Variants in ASPSCR1 observed in about 807,000 individuals in gnomAD.
ASPSCR1 encodes the protein tether containing UBX domain for GLUT4.
A neutral mutation model predicts 68.9 loss-of-function variants in ASPSCR1; 55 were observed. The ratio of observed to expected loss-of-function variants is 0.80; its 90% CI spans 0.64 to 1.00. The LOEUF is 1.00. ASPSCR1 is among the 50% of genes least tolerant of loss of function. ASPSCR1 has a pLI of 0.00. For synonymous variants in ASPSCR1, 352 were observed against 332.6 expected (o/e 1.06, Z -0.63); for missense variants, 765 against 762.2 (o/e 1.00, Z -0.04).
chr17:81,981,078 T>C (rs898302268), intron 2 of ASPSCR1, among the ~76,000 whole-genome samples: 1 of 152,234 alleles, frequency 6.6e-6, no homozygotes, highest in Admixed American at 6.5e-5. Flanking sequence ...AAACCCTGAC[T>C]GTGCCAGAAC....
intron 4 of ASPSCR1, among the ~76,000 whole-genome samples, chr17:81,988,639 C>T (rs2042071487): frequency 6.6e-6 from 1 of 152,132 alleles, no homozygotes; most frequent in Admixed American, 6.6e-5. Flanking sequence ...ACACTCACAC[C>T]TGTGGTGGAG....
chr17:82,014,905 G>T (rs889645293), intron 12 of ASPSCR1: 6 of 813,354 alleles, frequency 7.4e-6, no homozygotes, highest in Non-Finnish European at 7.5e-6. Flanking sequence ...TCAGGGCAGG[G>T]CGGGCACCCC....
chr17:81,985,238 CCACA>C (rs976054746), intron 3 of ASPSCR1, among the ~76,000 whole-genome samples: 1 of 151,724 alleles, frequency 6.6e-6, no homozygotes, highest in Non-Finnish European at 1.5e-5. Flanking sequence ...CCGCACACAC[CCACA>C]CACACATATG....
At position 81,997,522 on chromosome 17, in the gene ASPSCR1, T is replaced by C. The variant is rs1337623070; in HGVS notation, c.933+676T>C. Among the ~76,000 whole-genome samples the C allele has an allele frequency of 3.4e-5, 5 of 147,246 alleles. No individual in the cohort carries two copies. In the Admixed American group the frequency reaches 3.4e-4, roughly 10 times the overall value. ...TTTTTTTTTTGAGACAGAGTCTCAC[T>C]GTGTCCCTAGGTGGGCGTACAGTGG... On this transcript the variant is annotated intron_variant, in intron 7 of 15. Coordinates refer to ENST00000306739, the MANE Select transcript of ASPSCR1 (RefSeq NM_024083.4).
At chr17:82,010,262 G>T (rs1379297177) in intron 9 of ASPSCR1, among the ~76,000 whole-genome samples, 1 of 150,250 alleles carries the variant, frequency 6.7e-6, no homozygotes, top group Non-Finnish European at 1.5e-5. Flanking sequence ...GGGCGTGGTG[G>T]CTCACGCCTG....
At position 81,990,254 on chromosome 17, in the gene ASPSCR1, G is replaced by T. The variant is rs1351187307; in HGVS notation, c.375-4567G>T. On this transcript the variant is annotated intron_variant, in intron 4 of 15. Transcript: ENST00000306739. The surrounding 1 kb of genome is among the most constrained non-coding windows in gnomAD (Gnocchi z 4.1). ...CAGAGTCCTTGAGACCTGCATGTAT[G>T]GTGCACTTGGAGCATCTCGGTCTGG... Among the ~76,000 whole-genome samples, 2 of 152,202 alleles carry T rather than the reference G, an allele frequency of 1.3e-5. No homozygotes were observed. Among genetic ancestry groups the T allele is most frequent in the South Asian group, 4.1e-4 (2 of 4,836 alleles).
chr17:82,015,295 G>A (rs551941100), intron 12 of ASPSCR1: 5 of 1,598,134 alleles, frequency 3.1e-6, no homozygotes, highest in East Asian at 2.2e-5. Context: ...CCATCCCCTC[G>A]TCCGAGCAGT....
chr17:81,997,079 T>G (rs1393270355), intron 7 of ASPSCR1, among the ~76,000 whole-genome samples: 2 of 152,192 alleles, frequency 1.3e-5, no homozygotes, highest in Non-Finnish European at 2.9e-5. Context: ...ACGGTGGCTG[T>G]GTCTGCTCCG....
intron 7 of ASPSCR1, among the ~76,000 whole-genome samples, chr17:82,001,591 AG>A (rs764892951): frequency 1.3e-5 from 2 of 152,120 alleles, no homozygotes; most frequent in African/African-American, 2.4e-5. Context: ...CCCGGGGGGT[AG>A]GGGGTGGATG....
At position 81,996,023 on chromosome 17, in the gene ASPSCR1, C is replaced by T. The variant is rs374443391; in HGVS notation, c.464C>T (p.Thr155Met). Reference sequence around the variant, plus strand: ...GGTGAAGCTGCCCTGCGGGGCACGACGCTGCAGTCGCTGGGCCTGACCGGG... The same window carrying T: ...GGTGAAGCTGCCCTGCGGGGCACGATGCTGCAGTCGCTGGGCCTGACCGGG... Reference protein sequence around the residue: ...VTGEAALRGTTLQSLGLTGGS... With the variant: ...VTGEAALRGTMLQSLGLTGGS... Residue 155 changes from threonine (T) to methionine (M), a missense_variant, in exon 6 of 16, where the codon ACG becomes ATG. Physicochemically the swap from Thr to Met is moderately conservative, Grantham distance 81 (BLOSUM62 -1). Transcript: ENST00000306739. 2.8e-5 allele frequency: 45 copies of T among 1,610,292 alleles called. No homozygotes were observed. The highest frequency in any genetic ancestry group is 2.1e-4 in the South Asian group (19 of 90,500).
intron 7 of ASPSCR1, among the ~76,000 whole-genome samples, chr17:82,002,519 T>G (rs1412087160): frequency 1.3e-5 from 2 of 152,026 alleles, no homozygotes; most frequent in African/African-American, 2.4e-5. Context: ...CCTCCCAAAG[T>G]GCTGGGATTA....
intron 7 of ASPSCR1, among the ~76,000 whole-genome samples, chr17:82,002,931 G>A (rs1292386087): frequency 6.6e-6 from 1 of 151,750 alleles, no homozygotes; most frequent in Non-Finnish European, 1.5e-5. Flanking sequence ...CTGGAGTGTG[G>A]TGGTGCGATC....
At chr17:82,003,904 A>G (rs569491348) in intron 7 of ASPSCR1, among the ~76,000 whole-genome samples, 50 of 152,274 alleles carry the variant, frequency 3.3e-4, no homozygotes, top group African/African-American at 1.2e-3. Flanking sequence ...GTAGTGATTC[A>G]TTGAAGCTCA....
intron 12 of ASPSCR1, chr17:82,015,446 C>T: frequency 1.4e-6 from 2 of 1,450,310 alleles, no homozygotes; most frequent in Non-Finnish European, 1.8e-6. Flanking sequence ...ACTTCCCTCT[C>T]CTGGTGTTCC....
intron 7 of ASPSCR1, chr17:82,007,740 C>T (rs912259288): frequency 5.3e-5 from 8 of 152,246 alleles, no homozygotes; most frequent in African/African-American, 1.7e-4. Context: ...CATGGCGGCT[C>T]CTGGCCCAGG....
At chr17:82,000,485 C>A (rs1874222556) in intron 7 of ASPSCR1, among the ~76,000 whole-genome samples, 1 of 152,158 alleles carries the variant, frequency 6.6e-6, no homozygotes, top group African/African-American at 2.4e-5. Context: ...GGCCCGGGGC[C>A]ACATGCCGCT....
intron 7 of ASPSCR1, among the ~76,000 whole-genome samples, chr17:82,003,731 C>A (rs1042300396): frequency 2.6e-5 from 4 of 152,252 alleles, no homozygotes; most frequent in Non-Finnish European, 5.9e-5. Flanking sequence ...TGCCTGTCCA[C>A]GCCGGTCGCA....
chr17:81,988,454 CAA>C (rs1231233227), intron 4 of ASPSCR1, among the ~76,000 whole-genome samples: 4 of 71,004 alleles, frequency 5.6e-5, no homozygotes, highest in Admixed American at 3.1e-4. Flanking sequence ...GACTCCGTCT[CAA>C]AAAAAAAAAA....
At chr17:82,004,553 A>G (rs993236122) in intron 7 of ASPSCR1, 17 of 152,310 alleles carry the variant, frequency 1.1e-4, no homozygotes, top group Admixed American at 5.9e-4. Context: ...AGAGGCCATC[A>G]CACCTTTCCC....
Sources: allele counts gnomAD v4.1 joint callset (sites outside exome capture counted in the v4.1 genomes callset), GRCh38; gene constraint gnomAD v4.1.1; non-coding constraint Gnocchi (gnomAD v3.1); transcripts MANE v1.5; gene names NCBI Gene and HGNC (gene_info 2026-07-23, HGNC 2026-07-21).